Variants in EDNRB observed in about 807,000 individuals in gnomAD.
EDNRB encodes the protein endothelin receptor type B, also known as Hirschsprung disease 2.
A neutral mutation model predicts 46.4 loss-of-function variants in EDNRB; 18 were observed. The observed-to-expected ratio is 0.39, with a 90% CI of 0.27 to 0.57. The LOEUF is 0.57. Among genes scored for constraint, EDNRB ranks in the 20% least tolerant of loss-of-function variants. The pLI is 0.61. For missense variants in EDNRB, 434 were observed against 537.5 expected (o/e 0.81, Z 1.90); for synonymous variants, 213 against 204.9 (o/e 1.04, Z -0.34).
Position 77,918,001 on chromosome 13 carries a change from G to A in EDNRB, c.483+90C>T. On this transcript the variant is annotated intron_variant, in intron 1 of 6. Coordinates refer to ENST00000646607, the MANE Select transcript of EDNRB (RefSeq NM_001122659.3). The surrounding 1 kb of genome is among the most constrained non-coding windows in gnomAD (Gnocchi z 4.5). ...GCAGAACCTTAAGAGGGAGCTAAAGGGAAGCTCCCTCTACAAGCTTTCTCA... is the reference window on the plus strand; with the variant it reads ...GCAGAACCTTAAGAGGGAGCTAAAGAGAAGCTCCCTCTACAAGCTTTCTCA... The A allele has an allele frequency of 3.1e-6, 5 of 1,588,060 alleles. No individual in the cohort carries two copies. The highest frequency in any genetic ancestry group is 4.3e-6 in the Non-Finnish European group (5 of 1,159,228).
chr13:77,947,124 G>A (rs1464975731), intron 1 of EDNRB, among the ~76,000 whole-genome samples: 1 of 152,112 alleles, frequency 6.6e-6, no homozygotes, highest in Non-Finnish European at 1.5e-5. Context: ...TTAAACTGGG[G>A]ACTTATTTGA....
At chr13:77,903,734 G>T (rs574690194) in intron 1 of EDNRB, 127 bp from the exon 2 acceptor site, 14 of 790,652 alleles carry the variant, frequency 1.8e-5, no homozygotes, top group Middle Eastern at 6.8e-4. Context: ...TTTTCTCATG[G>T]ACTACTTCTT....
At chr13:77,962,257 G>A (rs543195771) in intron 1 of EDNRB, among the ~76,000 whole-genome samples, 349 of 152,178 alleles carry the variant, frequency 2.3e-3, no homozygotes, top group African/African-American at 7.9e-3. Flanking sequence ...AGAAAAAGAC[G>A]GAATCCCCCC....
intron 1 of EDNRB, among the ~76,000 whole-genome samples, chr13:77,971,276 T>A (rs1349938596): frequency 1.3e-5 from 2 of 152,244 alleles, no homozygotes; most frequent in African/African-American, 4.8e-5. Context: ...TAGCATTTGT[T>A]AACTAATGAT....
At chr13:77,923,747 T>C (rs945608497), upstream of EDNRB, among the ~76,000 whole-genome samples, 12 of 151,946 alleles carry the variant, frequency 7.9e-5, no homozygotes, top group African/African-American at 2.7e-4. Flanking sequence ...CTTGGATCTT[T>C]AGCTATTTAC....
At chr13:77,922,540 T>G (rs1415295285), upstream of EDNRB, among the ~76,000 whole-genome samples, 1 of 152,014 alleles carries the variant, frequency 6.6e-6, no homozygotes, top group Non-Finnish European at 1.5e-5. Flanking sequence ...ACAGAAAGAG[T>G]TGGTTCAACT....
At chr13:77,943,983 A>G (rs765604917) in intron 1 of EDNRB, among the ~76,000 whole-genome samples, 15 of 152,214 alleles carry the variant, frequency 9.9e-5, no homozygotes, top group Non-Finnish European at 2.2e-4. Context: ...TAAAGCCTCA[A>G]TACTTGAGGT....
chr13:77,935,375 C>T (rs1880532327), intron 1 of EDNRB, among the ~76,000 whole-genome samples: 1 of 152,084 alleles, frequency 6.6e-6, no homozygotes, highest in South Asian at 2.1e-4. Flanking sequence ...AGGGTGGGGG[C>T]AGTCTCTAAA....
chr13:77,903,220 T>G lies in EDNRB; in HGVS notation c.737A>C (p.Asp246Ala). Residue 246 changes from aspartate (D) to alanine (A), a missense_variant, in exon 3 of 7, where the codon GAC becomes GCC. By Grantham distance (126) the Asp-to-Ala change is moderately radical. Transcript: ENST00000646607. ...EAIGFDIITM[D>A]YKGSYLRICL... ...GATTCGCAGATAACTTCCTTTGTAG[T>G]CCATCGTAATTATATCAAAACCTAT... 6.2e-7 allele frequency: 1 copy of G among 1,613,024 alleles called. No homozygotes were observed. The highest frequency in any genetic ancestry group is 8.5e-7 in the Non-Finnish European group (1 of 1,179,362).
At chr13:77,940,010 A>ATAAATAAATAAG (rs1193785427) in intron 1 of EDNRB, 1 of 151,240 alleles carries the variant, frequency 6.6e-6, no homozygotes, top group African/African-American at 2.4e-5. Context: ...AAATAAATAA[A>ATAAATAAATAAG]TAAATAAATA....
intron 1 of EDNRB, among the ~76,000 whole-genome samples, chr13:77,966,355 A>T (rs937964804): frequency 6.6e-6 from 1 of 152,166 alleles, no homozygotes; most frequent in African/African-American, 2.4e-5. Context: ...TATATGTGGC[A>T]CACAAACTAT....
chr13:77,917,125 T>G (rs958353214), intron 1 of EDNRB, among the ~76,000 whole-genome samples: 5 of 152,324 alleles, frequency 3.3e-5, no homozygotes, highest in Admixed American at 2.6e-4. Context: ...TGAGTGCTCC[T>G]TGGTCTTGTC....
At chr13:77,954,144 TG>T (rs1881167580) in intron 1 of EDNRB, among the ~76,000 whole-genome samples, 1 of 152,238 alleles carries the variant, frequency 6.6e-6, no homozygotes. Context: ...ACATTTAACA[TG>T]AGCTCTACTC....
intron 1 of EDNRB, among the ~76,000 whole-genome samples, chr13:77,913,227 T>C (rs1166554486): frequency 2.0e-5 from 3 of 152,110 alleles, no homozygotes; most frequent in African/African-American, 7.2e-5. Context: ...GTGAAGCAAT[T>C]CCGCATTTTG....
chr13:77,897,933 T>C lies in EDNRB; in HGVS notation c.*267A>G. The C allele has an allele frequency of 8.3e-7, 1 of 1,201,264 alleles. No individual in the cohort carries two copies. Among genetic ancestry groups the C allele is most frequent in the Non-Finnish European group, 1.0e-6 (1 of 959,196 alleles). 74.4% of individuals were successfully genotyped at this position (1,201,264 alleles called of 1,614,324 possible). On this transcript the variant is annotated 3_prime_UTR_variant, in exon 7 of 7. Coordinates refer to ENST00000646607, the MANE Select transcript of EDNRB (RefSeq NM_001122659.3). Reference sequence around the variant, plus strand: ...TGTTGTGTGAATATCCTGGAAGTTGTTAAGAGCTATGTTGAAGTGCTAACT... The same window carrying C: ...TGTTGTGTGAATATCCTGGAAGTTGCTAAGAGCTATGTTGAAGTGCTAACT...
Position 77,896,247 on chromosome 13 carries a change from A to AG in EDNRB, c.*1952_*1953insC. 2.8e-6 allele frequency: 1 copy of AG among 357,428 alleles called. No homozygotes were observed. 22.1% of individuals were successfully genotyped at this position (357,428 alleles called of 1,614,324 possible). A position where few individuals can be genotyped will look rare whatever the true frequency, so the allele number is the denominator to read the frequency against. ...AGGATGTAAAAATTCAGTACATGGT[A>AG]ATAAAAATAATCTAAAATTTAAATA... On this transcript the variant is annotated 3_prime_UTR_variant, in exon 7 of 7. Coordinates refer to ENST00000646607, the MANE Select transcript of EDNRB (RefSeq NM_001122659.3).
intron 1 of EDNRB, among the ~76,000 whole-genome samples, chr13:77,959,778 T>G (rs1881351633): frequency 6.6e-6 from 1 of 152,172 alleles, no homozygotes; most frequent in Non-Finnish European, 1.5e-5. Flanking sequence ...ATACAGAAGC[T>G]AAAAACCTTG....
intron 1 of EDNRB, among the ~76,000 whole-genome samples, chr13:77,937,432 G>A (rs940260955): frequency 6.6e-6 from 1 of 152,162 alleles, no homozygotes; most frequent in Non-Finnish European, 1.5e-5. Context: ...GTAGAAGTCA[G>A]GATGACATTT....
chr13:77,910,800 A>AC (rs936004062), intron 1 of EDNRB, among the ~76,000 whole-genome samples: 2 of 152,010 alleles, frequency 1.3e-5, no homozygotes, highest in Non-Finnish European at 2.9e-5. Flanking sequence ...ACACACATCC[A>AC]CAAAACAGAG....
Sources: gnomAD v4.1 joint callset for allele counts (sites outside exome capture counted in the v4.1 genomes callset) on GRCh38, gnomAD v4.1.1 for gene constraint, Gnocchi (gnomAD v3.1) non-coding constraint, MANE v1.5 for transcripts, NCBI Gene and HGNC (gene_info 2026-07-23, HGNC 2026-07-21) for gene names.